The following ARHGEF4 variants were observed in gnomAD, a reference collection of about 807,000 sequenced individuals.
ARHGEF4 encodes APC-stimulated guanine nucleotide exchange factor 1.
ARHGEF4 carries 119 observed loss-of-function variants against 162.0 expected under a neutral mutation model. The ratio of observed to expected loss-of-function variants is 0.73; its 90% CI spans 0.63 to 0.86. The LOEUF (loss-of-function observed/expected upper bound fraction) is 0.86. ARHGEF4 is among the 40% of genes least tolerant of loss of function. ARHGEF4 has a pLI of 0.00. For synonymous variants in ARHGEF4, 1,014 were observed against 979.9 expected (o/e 1.03, Z -0.65); for missense variants, 2,488 against 2,456.0 (o/e 1.01, Z -0.28).
chr2:130,844,393 G>A (rs2104861166), intron 1 of ARHGEF4, among the ~76,000 whole-genome samples: 1 of 152,316 alleles, frequency 6.6e-6, no homozygotes, highest in African/African-American at 2.4e-5. Context: ...TGCCTGGTGG[G>A]CACAGCCCTG....
intron 4 of ARHGEF4, among the ~76,000 whole-genome samples, chr2:130,984,135 T>G (rs1361196165): frequency 6.6e-6 from 1 of 152,176 alleles, no homozygotes; most frequent in African/African-American, 2.4e-5. Context: ...TTTGCCCCAG[T>G]AGGTAATCTG....
At chr2:130,902,732 C>T (rs925876704) in intron 1 of ARHGEF4, among the ~76,000 whole-genome samples, 3 of 152,176 alleles carry the variant, frequency 2.0e-5, no homozygotes, top group Non-Finnish European at 2.9e-5. Context: ...ATTTTCCCAG[C>T]GTGAGTGCAT....
chr2:130,876,955 C>T (rs1248637864), intron 1 of ARHGEF4, among the ~76,000 whole-genome samples: 2 of 152,150 alleles, frequency 1.3e-5, no homozygotes, highest in African/African-American at 4.8e-5. Context: ...TGTGTCAGGG[C>T]AGAGAATTAG....
chr2:130,912,757 C>G (rs917593132), intron 1 of ARHGEF4, among the ~76,000 whole-genome samples: 1 of 152,082 alleles, frequency 6.6e-6, no homozygotes, highest in East Asian at 1.9e-4. Flanking sequence ...ATTGTATGTA[C>G]TGAGACACGC....
At chr2:130,942,323 G>T (rs990007538) in intron 3 of ARHGEF4, among the ~76,000 whole-genome samples, 4 of 151,448 alleles carry the variant, frequency 2.6e-5, no homozygotes, top group Admixed American at 6.6e-5. Context: ...CTAATTTTTT[G>T]TATTTTTAGT....
intron 1 of ARHGEF4, among the ~76,000 whole-genome samples, chr2:130,897,527 G>A (rs140494318): frequency 2.0e-4 from 31 of 152,354 alleles, no homozygotes; most frequent in African/African-American, 6.7e-4. Flanking sequence ...CTGGAGCAGC[G>A]TGAGGGCCAC....
At chr2:130,853,525 G>A (rs1007683146) in intron 1 of ARHGEF4, among the ~76,000 whole-genome samples, 2 of 152,212 alleles carry the variant, frequency 1.3e-5, no homozygotes, top group Non-Finnish European at 2.9e-5. Flanking sequence ...GTGTTGTGAG[G>A]GAGGGGCATG....
chr2:131,001,196 G>A (rs1370477228), intron 4 of ARHGEF4, among the ~76,000 whole-genome samples: 5 of 151,214 alleles, frequency 3.3e-5, no homozygotes, highest in South Asian at 4.2e-4. Flanking sequence ...CCAGCTACTC[G>A]GGAGGCTGAG....
intron 4 of ARHGEF4, among the ~76,000 whole-genome samples, chr2:131,006,508 T>C (rs934010118): frequency 2.0e-5 from 3 of 152,230 alleles, no homozygotes; most frequent in African/African-American, 7.2e-5. Flanking sequence ...GATGAGGGAC[T>C]GTCAGCCATT....
At chr2:130,996,153 G>T (rs1355440163) in intron 4 of ARHGEF4, among the ~76,000 whole-genome samples, 2 of 152,132 alleles carry the variant, frequency 1.3e-5, no homozygotes, top group African/African-American at 2.4e-5. Flanking sequence ...CTCCCAAAGT[G>T]CTGGGATTAC....
intron 4 of ARHGEF4, among the ~76,000 whole-genome samples, chr2:131,020,444 G>GT (rs1357606000): frequency 5.6e-4 from 85 of 150,490 alleles, no homozygotes; most frequent in Middle Eastern, 3.4e-3. Flanking sequence ...GCGGTGTTCG[G>GT]TTTTTTGTCC....
chr2:130,915,597 G>C lies in ARHGEF4; in HGVS notation c.1651G>C (p.Asp551His), dbSNP rs373195257. ...CTGCTTGGAAGTGAGTGACAGTTCAGATGCCCCTGAGACCACCCAGAAATC... is the reference window on the plus strand; with the variant it reads ...CTGCTTGGAAGTGAGTGACAGTTCACATGCCCCTGAGACCACCCAGAAATC... Reference protein sequence around the residue: ...MGCLEVSDSSDAPETTQKSSA... With the variant: ...MGCLEVSDSSHAPETTQKSSA... Residue 551 changes from aspartate to histidine, a missense_variant, in exon 2 of 14, where the codon GAT becomes CAT. Physicochemically the swap from Asp to His is moderately conservative, Grantham distance 81. Transcript: ENST00000409359. The C allele has an allele frequency of 9.7e-6, 15 of 1,550,474 alleles. No individual in the cohort carries two copies. The African/African-American group carries it at 1.9e-4, about 20-fold the overall frequency.
chr2:130,891,594 C>A (rs573660806), intron 1 of ARHGEF4, among the ~76,000 whole-genome samples: 19 of 152,332 alleles, frequency 1.2e-4, no homozygotes, highest in Admixed American at 2.6e-4. Context: ...AATCCAAGAT[C>A]TGCCGGCAGG....
At chr2:131,039,588 C>T in intron 6 of ARHGEF4, 1 of 1,043,162 alleles carries the variant, frequency 9.6e-7, no homozygotes, top group Non-Finnish European at 1.2e-6. Flanking sequence ...TTCAGATGCT[C>T]CTCCTGCCCC....
intron 1 of ARHGEF4, among the ~76,000 whole-genome samples, chr2:130,876,360 A>T (rs750818504): frequency 1.6e-4 from 25 of 152,108 alleles, no homozygotes; most frequent in Non-Finnish European, 3.2e-4. Context: ...TTTCTGTGGG[A>T]CTGACTGTGT....
intron 5 of ARHGEF4, among the ~76,000 whole-genome samples, chr2:131,038,421 A>C (rs1273568361): frequency 9.0e-5 from 13 of 144,632 alleles, no homozygotes; most frequent in Non-Finnish European, 1.9e-4. Flanking sequence ...TCCCTCCTGC[A>C]GCCTTGCAGC....
intron 4 of ARHGEF4, among the ~76,000 whole-genome samples, chr2:130,990,378 A>G (rs1686863473): frequency 1.3e-5 from 2 of 152,142 alleles, no homozygotes. Flanking sequence ...GCAAGATTCC[A>G]TTATTTGTCT....
At chr2:130,842,806 G>T (rs905576342) in intron 1 of ARHGEF4, among the ~76,000 whole-genome samples, 1 of 152,192 alleles carries the variant, frequency 6.6e-6, no homozygotes, top group African/African-American at 2.4e-5. Flanking sequence ...TTCTTTACTA[G>T]TGAAGGATCT....
chr2:130,870,009 T>C (rs901846092), intron 1 of ARHGEF4, among the ~76,000 whole-genome samples: 2 of 152,162 alleles, frequency 1.3e-5, no homozygotes, highest in Non-Finnish European at 2.9e-5. Flanking sequence ...AAAAGCTCCA[T>C]TATTTGCCTT....
Sources: allele counts gnomAD v4.1 joint callset (sites outside exome capture counted in the v4.1 genomes callset), GRCh38; gene constraint gnomAD v4.1.1; transcripts MANE v1.5; gene names NCBI Gene and HGNC (gene_info 2026-07-23, HGNC 2026-07-21).